Variants in UGCG observed in about 807,000 individuals in gnomAD.
UGCG encodes the protein ceramide glucosyltransferase.
Under a neutral mutation model 49.5 loss-of-function variants are expected in UGCG, and 10 were observed. The ratio of observed to expected loss-of-function variants is 0.20; its 90% CI spans 0.12 to 0.34. The LOEUF (loss-of-function observed/expected upper bound fraction) is 0.34, where lower values mean the gene tolerates loss of function less well. Among genes scored for constraint, UGCG ranks in the 10% least tolerant of loss-of-function variants. The probability of loss-of-function intolerance (pLI) is 1.00; values close to 1 mark genes in which losing one functional copy is unlikely to be tolerated. For synonymous variants in UGCG, 182 were observed against 158.2 expected, an observed-to-expected ratio of 1.15 and a Z score of -1.13; for missense variants, 312 against 483.7, an observed-to-expected ratio of 0.65 and a Z score of 3.33.
intron 5 of UGCG, among the ~76,000 whole-genome samples, chr9:111,927,890 G>A (rs1023940142): frequency 3.3e-5 from 5 of 150,734 alleles, no homozygotes; most frequent in African/African-American, 4.9e-5. Flanking sequence ...TTATTTTTGT[G>A]ACTTTGTAAG....
chr9:111,932,136 ATT>A, intron 7 of UGCG, 32 bp from the exon 8 acceptor site: 1 of 1,596,732 alleles, frequency 6.3e-7, no homozygotes, highest in Non-Finnish European at 8.6e-7. Flanking sequence ...TAGCCAGGAT[ATT>A]GTTTTAAAGA....
chr9:111,915,914 C>A (rs983819075), intron 2 of UGCG: 1 of 825,510 alleles, frequency 1.2e-6, no homozygotes, highest in Non-Finnish European at 1.5e-6. Context: ...AGTTTAGAAG[C>A]CAATTTTGGA....
At chr9:111,917,780 C>T (rs2118551361) in intron 2 of UGCG, among the ~76,000 whole-genome samples, 1 of 152,226 alleles carries the variant, frequency 6.6e-6, no homozygotes, top group Admixed American at 6.5e-5. Flanking sequence ...ATACTCATTC[C>T]TTGGGAAGAC....
chr9:111,914,776 G>GT (rs771285660), intron 2 of UGCG, 30 bp downstream of exon 2: 1 of 1,586,950 alleles, frequency 6.3e-7, no homozygotes, highest in South Asian at 1.1e-5. Context: ...TTTTTGTTTT[G>GT]TTTTGTTTTG....
At chr9:111,930,092 A>G (rs144445524) in intron 6 of UGCG, among the ~76,000 whole-genome samples, 9 of 152,314 alleles carry the variant, frequency 5.9e-5, no homozygotes, top group Admixed American at 1.3e-4. Context: ...TGCTGGGATT[A>G]CAGGTATGAG....
intron 4 of UGCG, among the ~76,000 whole-genome samples, chr9:111,926,149 G>GTAT (rs1409970731): frequency 6.6e-6 from 1 of 152,134 alleles, no homozygotes; most frequent in South Asian, 2.1e-4. Context: ...TACATAGTAG[G>GTAT]TATATACTGG....
intron 2 of UGCG, 57 bp downstream of exon 2, chr9:111,914,803 A>G: frequency 6.2e-7 from 1 of 1,600,412 alleles, no homozygotes; most frequent in Non-Finnish European, 8.5e-7. Flanking sequence ...TCCCCTCATG[A>G]TAAACATTTA....
chr9:111,913,866 C>T (rs1838064191), intron 1 of UGCG, among the ~76,000 whole-genome samples: 1 of 152,132 alleles, frequency 6.6e-6, no homozygotes, highest in Non-Finnish European at 1.5e-5. Flanking sequence ...CTTCCAGTGT[C>T]ATTAATAGAC....
At chr9:111,925,970 A>G (rs1358526093) in intron 4 of UGCG, among the ~76,000 whole-genome samples, 1 of 152,186 alleles carries the variant, frequency 6.6e-6, no homozygotes, top group Non-Finnish European at 1.5e-5. Context: ...TCTGATACTC[A>G]CAGAGAAAAT....
At position 111,933,151 on chromosome 9, in the gene UGCG, G is replaced by GGA; in HGVS notation, c.*154_*155insGA. 2 of 416,764 alleles carry GGA rather than the reference G, an allele frequency of 4.8e-6. No homozygotes were observed. The highest frequency in any genetic ancestry group is 7.2e-6 in the Non-Finnish European group (2 of 277,770). 25.8% of individuals were successfully genotyped at this position (416,764 alleles called of 1,614,324 possible). The stretch of plus-strand genomic sequence containing the variant: ...ATTTTTGCATGGCACTTGCATCTGT[G>GGA]AAAAAAAAAAAAAACACATCTGTAG... On this transcript the variant is annotated 3_prime_UTR_variant, in exon 9 of 9. Transcript: ENST00000374279.
chr9:111,932,087 AATTG>A (rs1838436606), intron 7 of UGCG, 79 bp from the exon 8 acceptor site: 2 of 1,431,000 alleles, frequency 1.4e-6, no homozygotes, highest in African/African-American at 2.9e-5. Context: ...AGGGTAAAAA[AATTG>A]ATTATTTGAG....
At chr9:111,926,124 A>G (rs1031015056) in intron 4 of UGCG, among the ~76,000 whole-genome samples, 1 of 152,224 alleles carries the variant, frequency 6.6e-6, no homozygotes, top group Admixed American at 6.5e-5. Context: ...TTTTCAAAGT[A>G]TATTCTGCCT....
intron 2 of UGCG, among the ~76,000 whole-genome samples, chr9:111,916,965 T>C (rs1296744256): frequency 2.6e-5 from 4 of 151,452 alleles, no homozygotes; most frequent in Non-Finnish European, 5.9e-5. Flanking sequence ...GGCAACACAG[T>C]GAGACCCCCA....
At chr9:111,931,779 C>T (rs1017356903) in intron 7 of UGCG, among the ~76,000 whole-genome samples, 5 of 151,998 alleles carry the variant, frequency 3.3e-5, no homozygotes, top group Admixed American at 6.5e-5. Context: ...GTAATCCCAG[C>T]GCTTTGGGAG....
At chr9:111,923,371 T>C (rs1838260782) in intron 3 of UGCG, among the ~76,000 whole-genome samples, 1 of 152,008 alleles carries the variant, frequency 6.6e-6, no homozygotes, top group South Asian at 2.1e-4. Flanking sequence ...GTGTTTTTTT[T>C]TTTTTAACAT....
intron 1 of UGCG, among the ~76,000 whole-genome samples, chr9:111,906,602 G>T (rs537377336): frequency 6.5e-4 from 98 of 151,894 alleles, no homozygotes; most frequent in African/African-American, 2.2e-3. Context: ...GCTAATTTTT[G>T]TATTTTTAGT....
At chr9:111,924,756 A>T (rs769526925) in intron 3 of UGCG, 21 bp from the exon 4 acceptor site, 34 of 1,335,492 alleles carry the variant, frequency 2.5e-5, no homozygotes, top group Non-Finnish European at 3.3e-5. Flanking sequence ...ATCTTTTACT[A>T]CTGTACCTTT....
chr9:111,923,075 A>G (rs1180528211), intron 3 of UGCG, 124 bp downstream of exon 3: 1 of 552,306 alleles, frequency 1.8e-6, no homozygotes. Flanking sequence ...TGGAGTACTG[A>G]GAGGTGTTTA....
chr9:111,916,216 G>C (rs937513487), intron 2 of UGCG, among the ~76,000 whole-genome samples: 3 of 152,114 alleles, frequency 2.0e-5, no homozygotes, highest in African/African-American at 7.2e-5. Flanking sequence ...GAGAATTAAT[G>C]TTTACGAATG....
Sources: allele counts gnomAD v4.1 joint callset (sites outside exome capture counted in the v4.1 genomes callset), GRCh38; gene constraint gnomAD v4.1.1; transcripts MANE v1.5; gene names NCBI Gene and HGNC (gene_info 2026-07-23, HGNC 2026-07-21).